Variants in CD36 observed in about 807,000 individuals in gnomAD.
The protein encoded by CD36 is platelet glycoprotein 4.
CD36 carries 119 observed loss-of-function variants against 55.2 expected under a neutral mutation model. The observed-to-expected ratio is 2.15, with a 90% CI of 1.86 to 2.51. CD36 has a LOEUF of 2.51. Ranked by LOEUF, CD36 falls within the 30% of genes most tolerant of loss-of-function variation. CD36 has a pLI of 0.00. For synonymous variants in CD36, 186 were observed against 193.6 expected (o/e 0.96, Z 0.33); for missense variants, 819 against 555.5 (o/e 1.47, Z -4.77).
chr7:80,672,755 T>C lies in CD36; in HGVS notation c.1126-15T>C, dbSNP rs758766716. The C allele has an allele frequency of 3.8e-6, 6 of 1,570,812 alleles. No homozygotes were observed. Among genetic ancestry groups the C allele is most frequent in the Admixed American group, 1.7e-5 (1 of 59,576 alleles). On this transcript the variant is annotated splice_polypyrimidine_tract_variant and intron_variant, in intron 11 of 14. Transcript: ENST00000447544. ...TTTTTAAAAGTTGGTAATTATTTAGTTGTTCTCTTTTTAGATAACTGGATT... is the reference window on the plus strand; with the variant it reads ...TTTTTAAAAGTTGGTAATTATTTAGCTGTTCTCTTTTTAGATAACTGGATT...
chr7:80,672,652 A>G (rs1410981942), intron 11 of CD36, 118 bp from the exon 12 acceptor site: 6 of 707,556 alleles, frequency 8.5e-6, no homozygotes, highest in Admixed American at 4.4e-5. Context: ...AAAAGTTTCA[A>G]TTAGTCCTGT....
At chr7:80,631,222 T>G (rs1273698949) in intron 1 of CD36, among the ~76,000 whole-genome samples, 2 of 151,988 alleles carry the variant, frequency 1.3e-5, no homozygotes, top group Non-Finnish European at 2.9e-5. Context: ...GAATCTGAAA[T>G]GGGATGATCA....
intron 1 of CD36, among the ~76,000 whole-genome samples, chr7:80,608,539 A>C (rs561202468): frequency 6.6e-6 from 1 of 152,342 alleles, no homozygotes; most frequent in South Asian, 2.1e-4. Context: ...GCATATGGTA[A>C]GTTCCATAGA....
chr7:80,660,684 C>T (rs1434176716), intron 4 of CD36, among the ~76,000 whole-genome samples: 2 of 152,150 alleles, frequency 1.3e-5, no homozygotes, highest in African/African-American at 4.8e-5. Context: ...TACCATCTGC[C>T]GTACTTTACC....
intron 1 of CD36, among the ~76,000 whole-genome samples, chr7:80,629,826 TA>T (rs1793970342): frequency 1.3e-5 from 2 of 151,568 alleles, no homozygotes; most frequent in Non-Finnish European, 2.9e-5. Flanking sequence ...TATTCTAAAA[TA>T]AAAATTGCCT....
chr7:80,645,461 A>G (rs1350073863), intron 1 of CD36, among the ~76,000 whole-genome samples: 1 of 151,556 alleles, frequency 6.6e-6, no homozygotes, highest in South Asian at 2.1e-4. Context: ...GTGAAACCCC[A>G]TCTCTACTGA....
intron 1 of CD36, among the ~76,000 whole-genome samples, chr7:80,609,290 T>C (rs945692408): frequency 2.6e-5 from 4 of 152,210 alleles, no homozygotes; most frequent in African/African-American, 9.7e-5. Flanking sequence ...GTTGTATGTT[T>C]ATTATTTTGT....
At chr7:80,625,749 T>C (rs1793705901) in intron 1 of CD36, among the ~76,000 whole-genome samples, 1 of 152,168 alleles carries the variant, frequency 6.6e-6, no homozygotes, top group Admixed American at 6.6e-5. Context: ...AGATATATGT[T>C]TATATGAAAA....
chr7:80,672,719 A>T, intron 11 of CD36, 51 bp from the exon 12 acceptor site: 1 of 1,283,180 alleles, frequency 7.8e-7, no homozygotes, highest in Non-Finnish European at 1.1e-6. Context: ...TTTGAATAGT[A>T]TAAAATAATG....
intron 3 of CD36, chr7:80,647,264 G>GTGTT: frequency 4.2e-6 from 1 of 238,660 alleles, no homozygotes; most frequent in African/African-American, 2.3e-5. Context: ...AAAACTGTGT[G>GTGTT]TGTGTGTGTG....
rs149005116 is a variant in CD36, at chr7:80,616,457, G to GCACA, written c.-184+14092_-184+14095dup. On this transcript the variant is annotated intron_variant, in intron 1 of 13. Transcript: ENST00000309881. ...TGTGTGTGTGTGTGTGTGCCTGCAC[G>GCACA]CACACACACACACACACGCAATTTG... Among the ~76,000 whole-genome samples the GCACA allele has an allele frequency of 6.3e-4, 94 of 148,240 alleles. 1 individual carries two copies. The highest frequency in any genetic ancestry group is 2.1e-3 in the African/African-American group (84 of 40,406).
At chr7:80,640,407 CAA>C (rs1794725304) in intron 1 of CD36, among the ~76,000 whole-genome samples, 2 of 151,862 alleles carry the variant, frequency 1.3e-5, no homozygotes, top group Non-Finnish European at 2.9e-5. Context: ...TTCAAAATAA[CAA>C]TAACATTTTC....
chr7:80,645,447 C>T (rs1299015137), intron 1 of CD36, among the ~76,000 whole-genome samples: 3 of 151,646 alleles, frequency 2.0e-5, no homozygotes, highest in Non-Finnish European at 2.9e-5. Flanking sequence ...GCCTGACCAA[C>T]ATGGTGAAAC....
chr7:80,604,390 T>TTTTTTTTTAGC (rs144014175), intron 1 of CD36, among the ~76,000 whole-genome samples: 1 of 109,642 alleles, frequency 9.1e-6, no homozygotes, highest in East Asian at 2.8e-4. Flanking sequence ...TTTTTTTTTT[T>TTTTTTTTTAGC]AGCAAAGTAT....
chr7:80,610,933 T>C (rs1010636027), intron 1 of CD36, among the ~76,000 whole-genome samples: 2 of 151,990 alleles, frequency 1.3e-5, no homozygotes, highest in African/African-American at 4.8e-5. Context: ...TGGAGTGCAG[T>C]GGCACAATCA....
At chr7:80,607,655 G>T (rs1792635883) in intron 1 of CD36, among the ~76,000 whole-genome samples, 1 of 152,046 alleles carries the variant, frequency 6.6e-6, no homozygotes, top group Non-Finnish European at 1.5e-5. Context: ...TGAATGTTGA[G>T]GAGACCCCAA....
At chr7:80,651,153 C>T (rs1795581117) in intron 3 of CD36, among the ~76,000 whole-genome samples, 1 of 152,060 alleles carries the variant, frequency 6.6e-6, no homozygotes, top group Non-Finnish European at 1.5e-5. Context: ...CCAGATACCA[C>T]ATGTTCTCAC....
intron 2 of CD36, 58 bp downstream of exon 2, chr7:80,646,239 C>G (rs537473704): frequency 6.0e-6 from 1 of 165,322 alleles, no homozygotes; most frequent in East Asian, 1.6e-4. Flanking sequence ...GAAAACACAT[C>G]AGTCAACCCA....
intron 1 of CD36, among the ~76,000 whole-genome samples, chr7:80,624,451 T>C (rs1201991996): frequency 1.3e-5 from 2 of 152,204 alleles, no homozygotes; most frequent in Non-Finnish European, 2.9e-5. Context: ...CAAATGATTT[T>C]TACTATGAGT....
Sources: allele counts gnomAD v4.1 joint callset (sites outside exome capture counted in the v4.1 genomes callset), GRCh38; gene constraint gnomAD v4.1.1; transcripts MANE v1.5; gene names NCBI Gene and HGNC (gene_info 2026-07-23, HGNC 2026-07-21).